Variants in SHISAL2B observed in about 807,000 individuals in gnomAD.
SHISAL2B encodes shisa like 2B, also known as protein shisa-like-2B.
A neutral mutation model predicts 16.5 loss-of-function variants in SHISAL2B; 12 were observed. The observed-to-expected ratio is 0.73, with a 90% CI of 0.47 to 1.18. The LOEUF (loss-of-function observed/expected upper bound fraction) is 1.18, where lower values mean the gene tolerates loss of function less well. Among genes scored for constraint, SHISAL2B ranks in the 50% most tolerant of loss-of-function variants. The pLI is 0.00. For synonymous variants in SHISAL2B, 72 were observed against 75.0 expected, an observed-to-expected ratio of 0.96 and a Z score of 0.21; for missense variants, 183 against 193.6, an observed-to-expected ratio of 0.95 and a Z score of 0.33.
intron 2 of SHISAL2B, among the ~76,000 whole-genome samples, chr5:64,712,890 T>A (rs931511360): frequency 1.3e-5 from 2 of 150,240 alleles, no homozygotes; most frequent in African/African-American, 4.9e-5. Context: ...TCCATTTGCT[T>A]GGTAGATCTT....
chr5:64,696,350 TG>T (rs1741734537), intron 2 of SHISAL2B, among the ~76,000 whole-genome samples: 1 of 152,224 alleles, frequency 6.6e-6, no homozygotes, highest in Non-Finnish European at 1.5e-5. Context: ...CATGTGTGTT[TG>T]AACAATATGA....
intron 2 of SHISAL2B, among the ~76,000 whole-genome samples, chr5:64,715,416 G>A (rs1317593220): frequency 1.3e-5 from 2 of 152,092 alleles, no homozygotes; most frequent in Non-Finnish European, 2.9e-5. Context: ...GAGGTTTGTG[G>A]CAGATTTTCT....
chr5:64,698,460 T>A (rs1375529733), intron 2 of SHISAL2B, among the ~76,000 whole-genome samples: 1 of 152,218 alleles, frequency 6.6e-6, no homozygotes, highest in Non-Finnish European at 1.5e-5. Flanking sequence ...TGCTGTTCCT[T>A]GAACTTCCTG....
At chr5:64,700,361 T>C (rs1017614201) in intron 2 of SHISAL2B, among the ~76,000 whole-genome samples, 3 of 152,216 alleles carry the variant, frequency 2.0e-5, no homozygotes, top group Non-Finnish European at 2.9e-5. Context: ...GTCTCTGATA[T>C]AAACTGGCAT....
At chr5:64,708,980 T>C (rs1339815528) in intron 2 of SHISAL2B, among the ~76,000 whole-genome samples, 3 of 152,010 alleles carry the variant, frequency 2.0e-5, no homozygotes, top group Non-Finnish European at 4.4e-5. Flanking sequence ...ATCAATACCA[T>C]GCATGTTTCA....
chr5:64,717,764 T>C (rs1417174504), intron 2 of SHISAL2B, 125 bp from the exon 3 acceptor site: 2 of 802,220 alleles, frequency 2.5e-6, no homozygotes, highest in Admixed American at 3.5e-5. Context: ...TTCTCACTCA[T>C]ACACATAGCA....
chr5:64,701,692 T>C (rs950746808), intron 2 of SHISAL2B, among the ~76,000 whole-genome samples: 22 of 152,128 alleles, frequency 1.4e-4, no homozygotes, highest in African/African-American at 5.1e-4. Flanking sequence ...TTCTCTTTTG[T>C]AAAGGCAGAT....
intron 2 of SHISAL2B, among the ~76,000 whole-genome samples, chr5:64,705,112 CAAGT>C (rs1467627036): frequency 6.6e-6 from 1 of 152,064 alleles, no homozygotes; most frequent in East Asian, 1.9e-4. Flanking sequence ...ATCCAATAGC[CAAGT>C]AAATAATGAG....
Position 64,690,563 on chromosome 5 carries a change from G to A in SHISAL2B, c.-61G>A. ...GGGTCCGCGGGCTCTGGAGGTGCTGGACGGGTGCGATCCGAGAGCAGACCG... is the reference window on the plus strand; with the variant it reads ...GGGTCCGCGGGCTCTGGAGGTGCTGAACGGGTGCGATCCGAGAGCAGACCG... On this transcript the variant is annotated 5_prime_UTR_variant, in exon 1 of 3. Transcript: ENST00000389074. 2.2e-6 allele frequency: 3 copies of A among 1,365,966 alleles called. No individual in the cohort carries two copies. Among genetic ancestry groups the A allele is most frequent in the South Asian group, 3.1e-5 (2 of 64,428 alleles). The allele number at this position is 1,365,966 out of a possible 1,614,324, so 84.6% of individuals were successfully genotyped here. A position where few individuals can be genotyped will look rare whatever the true frequency, so the allele number is the denominator to read the frequency against.
chr5:64,713,235 G>A (rs1013417903), intron 2 of SHISAL2B, among the ~76,000 whole-genome samples: 1 of 147,882 alleles, frequency 6.8e-6, no homozygotes, highest in African/African-American at 2.5e-5. Context: ...GGCAGGCCTG[G>A]TGGTGAAAAA....
intron 1 of SHISAL2B, among the ~76,000 whole-genome samples, chr5:64,692,360 G>A (rs1267718435): frequency 2.6e-5 from 4 of 152,180 alleles, no homozygotes; most frequent in African/African-American, 7.2e-5. Flanking sequence ...GCACAAAAGA[G>A]TGAACAGCTT....
intron 2 of SHISAL2B, among the ~76,000 whole-genome samples, chr5:64,703,851 T>C (rs571381233): frequency 2.0e-5 from 3 of 152,164 alleles, no homozygotes; most frequent in South Asian, 2.1e-4. Flanking sequence ...GTGAGATCTC[T>C]TTATATACTT....
chr5:64,705,949 A>G (rs1741870185), intron 2 of SHISAL2B, among the ~76,000 whole-genome samples: 1 of 152,210 alleles, frequency 6.6e-6, no homozygotes, highest in Non-Finnish European at 1.5e-5. Context: ...ACTTGAGCCC[A>G]GGATTTCAAG....
chr5:64,706,613 G>A (rs573382772), intron 2 of SHISAL2B, among the ~76,000 whole-genome samples: 1 of 152,140 alleles, frequency 6.6e-6, no homozygotes, highest in African/African-American at 2.4e-5. Context: ...TCCTAGATGG[G>A]TAGGTCCCAC....
intron 2 of SHISAL2B, among the ~76,000 whole-genome samples, chr5:64,717,460 C>A (rs1174740638): frequency 6.6e-6 from 1 of 152,128 alleles, no homozygotes; most frequent in Non-Finnish European, 1.5e-5. Flanking sequence ...GGGATTGTGG[C>A]ACTACTGTGT....
At chr5:64,704,619 AAAT>A (rs1472337488) in intron 2 of SHISAL2B, among the ~76,000 whole-genome samples, 1 of 152,208 alleles carries the variant, frequency 6.6e-6, no homozygotes, top group East Asian at 1.9e-4. Context: ...AAAATAAATT[AAAT>A]AAGAAAAAAT....
chr5:64,700,139 C>G (rs1741787837), intron 2 of SHISAL2B, among the ~76,000 whole-genome samples: 1 of 150,964 alleles, frequency 6.6e-6, no homozygotes, highest in South Asian at 2.1e-4. Flanking sequence ...GTGAAAGGCA[C>G]CCTTCTGAGT....
At chr5:64,700,731 C>G (rs113241520) in intron 2 of SHISAL2B, among the ~76,000 whole-genome samples, 2,564 of 152,140 alleles carry the variant, frequency 0.017, 37 homozygotes, top group Non-Finnish European at 0.028. Flanking sequence ...TGCCATGAAT[C>G]AGTAGTCTCC....
At chr5:64,696,332 T>A (rs1003286753) in intron 2 of SHISAL2B, among the ~76,000 whole-genome samples, 1 of 152,220 alleles carries the variant, frequency 6.6e-6, no homozygotes, top group African/African-American at 2.4e-5. Context: ...TACAAATTGA[T>A]TGTAAAACAT....
Sources: gnomAD v4.1 joint callset for allele counts (sites outside exome capture counted in the v4.1 genomes callset) on GRCh38, gnomAD v4.1.1 for gene constraint, MANE v1.5 for transcripts, NCBI Gene and HGNC (gene_info 2026-07-23, HGNC 2026-07-21) for gene names.